The following CYFIP1 variants were observed in gnomAD, a reference collection of about 807,000 sequenced individuals.
CYFIP1 encodes cytoplasmic FMR1 interacting protein 1.
CYFIP1 carries 58 observed loss-of-function variants against 163.5 expected under a neutral mutation model. The observed-to-expected ratio is 0.35, with a 90% confidence interval of 0.29 to 0.44. CYFIP1 has a LOEUF of 0.44. Ranked by LOEUF, CYFIP1 falls within the 20% of genes least tolerant of loss-of-function variation. The probability of loss-of-function intolerance (pLI) is 1.00; values close to 1 mark genes in which losing one functional copy is unlikely to be tolerated. For missense variants in CYFIP1, 1,338 were observed against 1,653.8 expected, an observed-to-expected ratio of 0.81 and a Z score of 3.31; for synonymous variants, 663 against 660.7, an observed-to-expected ratio of 1.00 and a Z score of -0.05.
Position 22,881,939 on chromosome 15 carries a change from G to A in CYFIP1, c.2821-3C>T. The A allele has an allele frequency of 5.6e-6, 9 of 1,611,458 alleles. No individual in the cohort carries two copies. The highest frequency in any genetic ancestry group is 7.6e-6 in the Non-Finnish European group (9 of 1,179,774). ...TACTGCAGGATTGTGCCTTGCAGCT[G>A]CCGGGGAGATGAGACGGGCTGCGTC... On this transcript the variant is annotated splice_polypyrimidine_tract_variant and splice_region_variant and intron_variant, in intron 24 of 30. Transcript: ENST00000617928.
intron 3 of CYFIP1, 183 bp downstream of exon 3, chr15:22,946,820 C>T (rs1317196554): frequency 2.8e-5 from 20 of 713,788 alleles, no homozygotes; most frequent in Non-Finnish European, 4.5e-5. Flanking sequence ...ATTTTCAGAA[C>T]CAGCATGTAT....
intron 1 of CYFIP1, among the ~76,000 whole-genome samples, chr15:22,954,586 G>A (rs912440810): frequency 2.0e-5 from 3 of 152,106 alleles, no homozygotes; most frequent in African/African-American, 4.8e-5. Context: ...CCCAGGCGGC[G>A]AACCGACCCA....
At chr15:22,893,418 G>A (rs1447393933) in intron 22 of CYFIP1, among the ~76,000 whole-genome samples, 2 of 152,192 alleles carry the variant, frequency 1.3e-5, no homozygotes, top group East Asian at 1.9e-4. Context: ...TCAAGAGATT[G>A]TGTCTTGATA....
chr15:22,956,485 T>C lies in CYFIP1; in HGVS notation c.-6-9194A>G, dbSNP rs748079476. On this transcript the variant is annotated intron_variant, in intron 1 of 30. Transcript: ENST00000617928. The stretch of plus-strand genomic sequence containing the variant: ...GGGAAAAGGAAAAAAAAAGTTTGTA[T>C]GTGTGAGTGTGTATGTGTGTGAGTG... 3.4e-4 allele frequency among the ~76,000 whole-genome samples: 52 copies of C among 152,096 alleles called. 1 individual carries two copies. The highest frequency in any genetic ancestry group is 4.7e-4 in the Non-Finnish European group (32 of 68,012).
intron 1 of CYFIP1, among the ~76,000 whole-genome samples, chr15:22,955,094 A>T (rs530859081): frequency 6.6e-6 from 1 of 152,360 alleles, no homozygotes; most frequent in East Asian, 1.9e-4. Flanking sequence ...AAAGGTTCCC[A>T]GTGCCACCCA....
chr15:22,885,413 C>T (rs1035451796), intron 23 of CYFIP1, among the ~76,000 whole-genome samples: 1 of 152,132 alleles, frequency 6.6e-6, no homozygotes, highest in Non-Finnish European at 1.5e-5. Flanking sequence ...CTTTATTGTC[C>T]ATAGCACCAT....
chr15:22,918,062 G>A, intron 14 of CYFIP1, 127 bp from the exon 15 acceptor site: 2 of 1,063,230 alleles, frequency 1.9e-6, no homozygotes, highest in African/African-American at 1.6e-5. Context: ...ATTACTCTGG[G>A]GGCCATGGAG....
chr15:22,963,195 G>A (rs1321437948), intron 1 of CYFIP1, among the ~76,000 whole-genome samples: 1 of 152,146 alleles, frequency 6.6e-6, no homozygotes, highest in Non-Finnish European at 1.5e-5. Context: ...TTTTGTATAA[G>A]TTTGAAGTTA....
intron 12 of CYFIP1, among the ~76,000 whole-genome samples, chr15:22,927,547 C>G (rs1427051599): frequency 6.7e-6 from 1 of 148,852 alleles, no homozygotes; most frequent in Admixed American, 6.7e-5. Flanking sequence ...GTCCCAGCAA[C>G]TTGGGAGGCT....
At chr15:22,977,924 T>C (rs2063331877) in intron 1 of CYFIP1, among the ~76,000 whole-genome samples, 1 of 152,136 alleles carries the variant, frequency 6.6e-6, no homozygotes, top group South Asian at 2.1e-4. Context: ...AAGTCACCTT[T>C]AGCATTATAA....
At chr15:22,890,876 G>C (rs1459738427) in intron 23 of CYFIP1, among the ~76,000 whole-genome samples, 1 of 152,112 alleles carries the variant, frequency 6.6e-6, no homozygotes, top group Non-Finnish European at 1.5e-5. Flanking sequence ...CGAGAACGCG[G>C]AGTGTGGAAT....
At chr15:22,932,743 T>C (rs1205256189) in intron 10 of CYFIP1, among the ~76,000 whole-genome samples, 1 of 152,204 alleles carries the variant, frequency 6.6e-6, no homozygotes, top group Non-Finnish European at 1.5e-5. Context: ...GCTGAGGATC[T>C]TTATAGTTCT....
chr15:22,963,903 C>T (rs145073572), intron 1 of CYFIP1, among the ~76,000 whole-genome samples: 3 of 152,016 alleles, frequency 2.0e-5, no homozygotes, highest in East Asian at 1.9e-4. Flanking sequence ...CAGTCAGCCC[C>T]GGGAATAAAC....
In CYFIP1 at chr15:22,932,126, G is replaced by A. The variant is rs558938749; in HGVS notation, c.1110+97C>T. The stretch of plus-strand genomic sequence containing the variant: ...ATGTGACATATGATCGTATCTGGTA[G>A]TAAACTGTTTTTCAAAGCAATTAAA... On this transcript the variant is annotated intron_variant, in intron 11 of 30. Coordinates refer to ENST00000617928, the MANE Select transcript of CYFIP1 (RefSeq NM_014608.6). The A allele has an allele frequency of 2.6e-4, 208 of 800,990 alleles. No individual in the cohort carries two copies. In the Middle Eastern group the frequency reaches 9.5e-3, roughly 37 times the overall value. The allele number at this position is 800,990 out of a possible 1,614,324, so 49.6% of individuals were successfully genotyped here. A position where few individuals can be genotyped will look rare whatever the true frequency, so the allele number is the denominator to read the frequency against.
intron 9 of CYFIP1, among the ~76,000 whole-genome samples, chr15:22,936,727 G>A (rs866063016): frequency 8.5e-5 from 13 of 152,142 alleles, no homozygotes; most frequent in African/African-American, 2.9e-4. Context: ...CCGAGAGCCC[G>A]CCAACATTGG....
chr15:22,946,730 C>T (rs2062073609), intron 3 of CYFIP1: 1 of 621,104 alleles, frequency 1.6e-6, no homozygotes, highest in Non-Finnish European at 3.0e-6. Context: ...GGGTGCAGAT[C>T]TGGAGAGGGA....
At chr15:22,921,014 T>C (rs540962414) in intron 13 of CYFIP1, among the ~76,000 whole-genome samples, 2 of 152,184 alleles carry the variant, frequency 1.3e-5, no homozygotes, top group African/African-American at 4.8e-5. Flanking sequence ...ATAATACTTA[T>C]CAAACATTCA....
chr15:22,876,462 T>C (rs2059587140), intron 26 of CYFIP1, among the ~76,000 whole-genome samples: 1 of 151,986 alleles, frequency 6.6e-6, no homozygotes, highest in South Asian at 2.1e-4. Context: ...TCTGCCTGCT[T>C]CAAACTCTTG....
chr15:22,891,174 G>T (rs1353156363), intron 23 of CYFIP1, among the ~76,000 whole-genome samples: 1 of 151,910 alleles, frequency 6.6e-6, no homozygotes, highest in African/African-American at 2.4e-5. Flanking sequence ...CCTGTAATCC[G>T]AGCACTTTGG....
Sources: allele counts gnomAD v4.1 joint callset (sites outside exome capture counted in the v4.1 genomes callset), GRCh38; gene constraint gnomAD v4.1.1; transcripts MANE v1.5; gene names NCBI Gene and HGNC (gene_info 2026-07-23, HGNC 2026-07-21).